KLHL29: variants seen among roughly 807,000 people sequenced by gnomAD.
KLHL29 encodes kelch-like protein 29.
KLHL29 carries 21 observed loss-of-function variants against 80.4 expected under a neutral mutation model. The observed-to-expected ratio is 0.26, with a 90% CI of 0.19 to 0.38. The LOEUF is 0.38. KLHL29 is among the 10% of genes least tolerant of loss of function. The pLI is 1.00. For synonymous variants in KLHL29, 511 were observed against 526.8 expected (o/e 0.97, Z 0.41); for missense variants, 867 against 1,223.9 (o/e 0.71, Z 4.35).
intron 2 of KLHL29, among the ~76,000 whole-genome samples, chr2:23,523,145 G>T (rs1360729580): frequency 1.3e-5 from 2 of 152,194 alleles, no homozygotes; most frequent in Non-Finnish European, 2.9e-5. Flanking sequence ...GCACCAGTGT[G>T]CATTTTGTTC....
At chr2:23,448,958 A>G (rs377751963) in intron 1 of KLHL29, among the ~76,000 whole-genome samples, 2 of 152,184 alleles carry the variant, frequency 1.3e-5, no homozygotes, top group East Asian at 1.9e-4. Context: ...ACTTTGGCAT[A>G]CAGCAAGGCA....
intron 3 of KLHL29, among the ~76,000 whole-genome samples, chr2:23,574,479 T>C (rs1289056832): frequency 1.3e-5 from 2 of 152,182 alleles, no homozygotes; most frequent in Non-Finnish European, 2.9e-5. Flanking sequence ...GAACGCGCTT[T>C]ATTAAAATAA....
chr2:23,447,673 T>G (rs971228417), intron 1 of KLHL29, among the ~76,000 whole-genome samples: 3 of 152,108 alleles, frequency 2.0e-5, no homozygotes, highest in Non-Finnish European at 4.4e-5. Flanking sequence ...TTATTTCTTA[T>G]CCGAAGGGCC....
intron 2 of KLHL29, among the ~76,000 whole-genome samples, chr2:23,557,855 A>C (rs1369943618): frequency 6.6e-6 from 1 of 152,212 alleles, no homozygotes; most frequent in Non-Finnish European, 1.5e-5. Context: ...CACATCAGTC[A>C]GGCCAGGCTA....
At chr2:23,690,221 T>A (rs1211721575) in intron 6 of KLHL29, 2 of 151,852 alleles carry the variant, frequency 1.3e-5, no homozygotes, top group African/African-American at 4.8e-5. Flanking sequence ...TAGGGAAGAG[T>A]CTCGTGGGAA....
At chr2:23,548,422 C>A (rs1667037211) in intron 2 of KLHL29, among the ~76,000 whole-genome samples, 1 of 152,138 alleles carries the variant, frequency 6.6e-6, no homozygotes, top group African/African-American at 2.4e-5. Flanking sequence ...ACTGTCTTTT[C>A]CCCAAAACCA....
At chr2:23,706,322 ATG>A (rs1672720592) in intron 13 of KLHL29, among the ~76,000 whole-genome samples, 157 bp from the exon 14 acceptor site, 6 of 152,246 alleles carry the variant, frequency 3.9e-5, no homozygotes, top group African/African-American at 1.4e-4. Flanking sequence ...TGTTTTTCTT[ATG>A]CCAGCCCAGG....
At chr2:23,555,257 G>A (rs1667255864) in intron 2 of KLHL29, among the ~76,000 whole-genome samples, 1 of 152,158 alleles carries the variant, frequency 6.6e-6, no homozygotes, top group Admixed American at 6.5e-5. Flanking sequence ...CTTCGGATTT[G>A]ACTGTGTCTT....
At chr2:23,546,192 T>TG (rs1666974694) in intron 2 of KLHL29, among the ~76,000 whole-genome samples, 1 of 152,186 alleles carries the variant, frequency 6.6e-6, no homozygotes, top group African/African-American at 2.4e-5. Flanking sequence ...CAGCCACACA[T>TG]GTGACTGTGG....
At chr2:23,604,992 A>T (rs1304649866) in intron 3 of KLHL29, among the ~76,000 whole-genome samples, 1 of 150,454 alleles carries the variant, frequency 6.6e-6, no homozygotes, top group Non-Finnish European at 1.5e-5. Context: ...GAGCGCCCCA[A>T]CTCCACCTGG....
At chr2:23,387,047 C>T (rs989759246) in intron 1 of KLHL29, among the ~76,000 whole-genome samples, 3 of 152,138 alleles carry the variant, frequency 2.0e-5, no homozygotes, top group Non-Finnish European at 4.4e-5. Context: ...CTGCCGCCGC[C>T]GCCGCTGCCA....
At chr2:23,484,537 C>G (rs1664879586) in intron 2 of KLHL29, among the ~76,000 whole-genome samples, 2 of 152,220 alleles carry the variant, frequency 1.3e-5, no homozygotes, top group African/African-American at 4.8e-5. Flanking sequence ...AAACGGAAGT[C>G]AGAACACAGA....
chr2:23,448,101 C>T (rs539462050), intron 1 of KLHL29, among the ~76,000 whole-genome samples: 33 of 152,106 alleles, frequency 2.2e-4, no homozygotes. Flanking sequence ...TATTAGTATA[C>T]TAATACTTTG....
intron 1 of KLHL29, among the ~76,000 whole-genome samples, chr2:23,464,509 T>C (rs531438339): frequency 3.0e-4 from 45 of 152,322 alleles, no homozygotes; most frequent in Non-Finnish European, 6.0e-4. Flanking sequence ...GAGCAATCTG[T>C]GTTGACTTCC....
At position 23,395,641 on chromosome 2, in the gene KLHL29, A is replaced by C. The variant is rs542734367; in HGVS notation, c.-154+9861A>C. On this transcript the variant is annotated intron_variant, in intron 1 of 13. Coordinates refer to ENST00000486442, the MANE Select transcript of KLHL29 (RefSeq NM_052920.2). ...GCGCCTGTAATCCCAGCTACTCAGG[A>C]GGCTGAGACAGGAGAATCGCTTGAA... Among the ~76,000 whole-genome samples, 17 of 152,182 alleles carry C rather than the reference A, an allele frequency of 1.1e-4. No individual in the cohort carries two copies. In the South Asian group the frequency reaches 3.1e-3, roughly 28 times the overall value.
At chr2:23,691,391 C>T (rs929043974) in intron 6 of KLHL29, 3 of 478,110 alleles carry the variant, frequency 6.3e-6, no homozygotes, top group Non-Finnish European at 3.8e-6. Context: ...CAGTCCTGGT[C>T]CTCGTCCCCA....
chr2:23,529,077 C>T (rs1048280488), intron 2 of KLHL29, among the ~76,000 whole-genome samples: 7 of 152,186 alleles, frequency 4.6e-5, no homozygotes, highest in Non-Finnish European at 1.5e-5. Context: ...TACGTAGGGC[C>T]GAAGTATATA....
chr2:23,471,698 G>A (rs759660501), intron 1 of KLHL29, among the ~76,000 whole-genome samples: 37 of 152,092 alleles, frequency 2.4e-4, no homozygotes, highest in Non-Finnish European at 2.9e-4. Context: ...GTAGGCTGCC[G>A]TTTGATGAAA....
intron 3 of KLHL29, chr2:23,616,801 ACT>A: frequency 6.6e-6 from 1 of 152,160 alleles, no homozygotes; most frequent in South Asian, 2.1e-4. Context: ...AGTCTGTGTG[ACT>A]CTGGCACCGT....
Sources: gnomAD v4.1 joint callset for allele counts (sites outside exome capture counted in the v4.1 genomes callset) on GRCh38, gnomAD v4.1.1 for gene constraint, MANE v1.5 for transcripts, NCBI Gene and HGNC (gene_info 2026-07-23, HGNC 2026-07-21) for gene names.